MARCHF1: variants seen among roughly 807,000 people sequenced by gnomAD.
The protein encoded by MARCHF1 is E3 ubiquitin-protein ligase MARCHF1.
Under a neutral mutation model 54.2 loss-of-function variants are expected in MARCHF1, and 40 were observed. The ratio of observed to expected loss-of-function variants is 0.74; its 90% CI spans 0.57 to 0.96. MARCHF1 has a LOEUF of 0.96. Among genes scored for constraint, MARCHF1 ranks in the 40% least tolerant of loss-of-function variants. The pLI is 0.00. For synonymous variants in MARCHF1, 236 were observed against 236.3 expected (o/e 1.00, Z 0.01); for missense variants, 586 against 656.5 (o/e 0.89, Z 1.17).
intron 4 of MARCHF1, among the ~76,000 whole-genome samples, chr4:163,803,708 T>G (rs1748147300): frequency 6.6e-6 from 1 of 152,314 alleles, no homozygotes; most frequent in South Asian, 2.1e-4. Flanking sequence ...AATGATCTTT[T>G]GCATCTTTTG....
intron 4 of MARCHF1, among the ~76,000 whole-genome samples, chr4:163,730,803 G>T (rs867616374): frequency 2.8e-4 from 42 of 152,200 alleles, no homozygotes; most frequent in Middle Eastern, 6.8e-3. Flanking sequence ...GTATGAATTT[G>T]TTCTACTAAT....
intron 1 of MARCHF1, among the ~76,000 whole-genome samples, chr4:164,174,526 G>C (rs1050026184): frequency 6.6e-6 from 1 of 152,146 alleles, no homozygotes; most frequent in Non-Finnish European, 1.5e-5. Context: ...GGAGTGGTAC[G>C]AGATTAGGAA....
intron 2 of MARCHF1, among the ~76,000 whole-genome samples, chr4:164,061,090 T>C (rs777584679): frequency 3.9e-4 from 59 of 152,168 alleles, no homozygotes; most frequent in Non-Finnish European, 8.8e-5. Context: ...TAAGAAACTA[T>C]TGCAGTCTTT....
chr4:163,791,877 G>A (rs1403978734), intron 4 of MARCHF1, among the ~76,000 whole-genome samples: 1 of 152,018 alleles, frequency 6.6e-6, no homozygotes, highest in Non-Finnish European at 1.5e-5. Context: ...CTAGTCCATA[G>A]TAGCTTCCTA....
intron 4 of MARCHF1, among the ~76,000 whole-genome samples, chr4:163,843,800 C>A (rs978649032): frequency 6.6e-6 from 1 of 150,848 alleles, no homozygotes; most frequent in African/African-American, 2.4e-5. Context: ...TTTTTTTTAA[C>A]TTTTTAATAG....
At chr4:163,933,234 A>C in intron 3 of MARCHF1, 1 of 731,722 alleles carries the variant, frequency 1.4e-6, no homozygotes, top group Non-Finnish European at 2.4e-6. Flanking sequence ...AATGTGATGC[A>C]GCAGAAGGGG....
At chr4:163,859,725 G>C (rs909812522) in intron 3 of MARCHF1, among the ~76,000 whole-genome samples, 1 of 152,146 alleles carries the variant, frequency 6.6e-6, no homozygotes, top group Non-Finnish European at 1.5e-5. Context: ...AGATCCTCAG[G>C]AACAGGAAGG....
intron 4 of MARCHF1, among the ~76,000 whole-genome samples, chr4:163,770,186 G>A (rs184282143): frequency 5.6e-4 from 85 of 152,212 alleles, no homozygotes; most frequent in Non-Finnish European, 7.5e-4. Context: ...GCTATTGGTA[G>A]GGCAAGTTTT....
intron 5 of MARCHF1, among the ~76,000 whole-genome samples, chr4:163,616,964 G>T (rs1052037112): frequency 1.3e-5 from 2 of 152,056 alleles, no homozygotes; most frequent in African/African-American, 4.8e-5. Context: ...GAACCCCCAT[G>T]ATTATTGTAG....
intron 1 of MARCHF1, among the ~76,000 whole-genome samples, chr4:164,196,264 C>T (rs1242432275): frequency 6.6e-6 from 1 of 151,992 alleles, no homozygotes; most frequent in African/African-American, 2.4e-5. Context: ...ACTGTTTTTG[C>T]TAAAATAACT....
intron 1 of MARCHF1, among the ~76,000 whole-genome samples, chr4:164,333,030 T>C (rs548032413): frequency 1.1e-3 from 168 of 152,200 alleles, no homozygotes; most frequent in African/African-American, 3.9e-3. Context: ...GATTTATGAA[T>C]GATGTGAAAT....
chr4:164,310,088 T>C (rs1281813473), intron 1 of MARCHF1, among the ~76,000 whole-genome samples: 2 of 152,096 alleles, frequency 1.3e-5, no homozygotes, highest in Admixed American at 1.3e-4. Flanking sequence ...TTTTATTTAT[T>C]TATTTTTTGA....
At chr4:163,633,215 C>T (rs1198430171) in intron 5 of MARCHF1, among the ~76,000 whole-genome samples, 1 of 152,216 alleles carries the variant, frequency 6.6e-6, no homozygotes, top group Non-Finnish European at 1.5e-5. Context: ...GAACTCAGCT[C>T]CTCACCAGCA....
intron 1 of MARCHF1, among the ~76,000 whole-genome samples, chr4:164,365,606 C>T (rs1157695863): frequency 6.6e-6 from 1 of 151,950 alleles, no homozygotes; most frequent in African/African-American, 2.4e-5. Flanking sequence ...GTAAGCACTA[C>T]TTTATTTAAT....
At chr4:163,807,381 T>C (rs1399075650) in intron 4 of MARCHF1, among the ~76,000 whole-genome samples, 1 of 152,218 alleles carries the variant, frequency 6.6e-6, no homozygotes, top group Non-Finnish European at 1.5e-5. Context: ...ATTGCTGTTT[T>C]GGAAGCAACT....
chr4:164,254,845 C>T (rs1167700962), intron 1 of MARCHF1, among the ~76,000 whole-genome samples: 1 of 152,176 alleles, frequency 6.6e-6, no homozygotes, highest in Non-Finnish European at 1.5e-5. Flanking sequence ...GATTTGCCTT[C>T]CCCAGCCCAC....
intron 8 of MARCHF1, among the ~76,000 whole-genome samples, chr4:163,553,079 C>A (rs1442159369): frequency 1.4e-5 from 2 of 147,020 alleles, no homozygotes; most frequent in Non-Finnish European, 3.0e-5. Context: ...GGTTCAAATT[C>A]TAGCTCTGCC....
At chr4:163,529,125 C>T in intron 9 of MARCHF1, 79 bp from the exon 10 acceptor site, 1 of 1,051,288 alleles carries the variant, frequency 9.5e-7, no homozygotes, top group Non-Finnish European at 1.4e-6. Flanking sequence ...TATGACCCTT[C>T]AAAAGCCCGT....
Position 163,903,236 on chromosome 4 carries a change from T to TTG in MARCHF1, c.-38-49069_-38-49068dup, listed in dbSNP as rs59858271. ...TAATTTATCTCTGATCTTCCTTCCC[T>TTG]TGTGTGTGTGTGTGTGTGTATGCAT... On this transcript the variant is annotated intron_variant, in intron 3 of 9. Coordinates refer to ENST00000514618, the MANE Select transcript of MARCHF1 (RefSeq NM_001394959.1). Among the ~76,000 whole-genome samples the TTG allele has an allele frequency of 6.6e-5, 10 of 151,110 alleles. No individual in the cohort carries two copies. The South Asian group carries it at 1.0e-3, about 16-fold the overall frequency.
Sources: gnomAD v4.1 joint callset for allele counts (sites outside exome capture counted in the v4.1 genomes callset) on GRCh38, gnomAD v4.1.1 for gene constraint, MANE v1.5 for transcripts, NCBI Gene and HGNC (gene_info 2026-07-23, HGNC 2026-07-21) for gene names.